The following PLXDC2 variants were observed in gnomAD, a reference collection of about 807,000 sequenced individuals.
The protein encoded by PLXDC2 is plexin domain-containing protein 2.
PLXDC2 carries 40 observed loss-of-function variants against 68.9 expected under a neutral mutation model. That is an observed-to-expected ratio of 0.58 (90% CI 0.45 to 0.76). The LOEUF is 0.76. PLXDC2 is among the 30% of genes least tolerant of loss of function. The pLI is 0.00. For missense variants in PLXDC2, 644 were observed against 661.9 expected (o/e 0.97, Z 0.30); for synonymous variants, 243 against 234.2 (o/e 1.04, Z -0.34).
chr10:19,880,507 G>A (rs1837708261), intron 1 of PLXDC2, among the ~76,000 whole-genome samples: 1 of 152,136 alleles, frequency 6.6e-6, no homozygotes. Context: ...TCTCTCTCAA[G>A]ATATTTTATT....
chr10:19,972,081 A>G (rs1834363961), intron 1 of PLXDC2, among the ~76,000 whole-genome samples: 1 of 152,114 alleles, frequency 6.6e-6, no homozygotes, highest in Non-Finnish European at 1.5e-5. Context: ...GAGTTGAGAT[A>G]TCATTTGAAA....
chr10:19,895,791 G>A (rs1046383277), intron 1 of PLXDC2, among the ~76,000 whole-genome samples: 6 of 152,066 alleles, frequency 3.9e-5, no homozygotes, highest in Admixed American at 2.0e-4. Context: ...ATGGTGGCTC[G>A]TGCCTGTAAT....
At chr10:20,017,980 C>G (rs72791836) in intron 2 of PLXDC2, among the ~76,000 whole-genome samples, 2,432 of 152,332 alleles carry the variant, frequency 0.016, 27 homozygotes, top group Middle Eastern at 0.075. Flanking sequence ...AGCCATTACC[C>G]AGCTGTGGAG....
At chr10:20,048,032 G>C (rs1835827559) in intron 3 of PLXDC2, among the ~76,000 whole-genome samples, 1 of 152,080 alleles carries the variant, frequency 6.6e-6, no homozygotes, top group African/African-American at 2.4e-5. Flanking sequence ...GAAGCCATGA[G>C]ATGTTCAGTT....
chr10:20,239,998 G>A (rs1414124860), intron 12 of PLXDC2, among the ~76,000 whole-genome samples: 1 of 152,120 alleles, frequency 6.6e-6, no homozygotes, highest in Non-Finnish European at 1.5e-5. Context: ...ATTATCATGG[G>A]AGTTTATTGT....
At chr10:20,131,499 G>A (rs533720721) in intron 4 of PLXDC2, among the ~76,000 whole-genome samples, 62 of 151,948 alleles carry the variant, frequency 4.1e-4, no homozygotes, top group East Asian at 3.9e-3. Flanking sequence ...TCCTGAGTTC[G>A]AGCAATTCTC....
intron 9 of PLXDC2, among the ~76,000 whole-genome samples, chr10:20,197,012 C>T (rs1834848970): frequency 6.6e-6 from 1 of 151,938 alleles, no homozygotes; most frequent in Non-Finnish European, 1.5e-5. Context: ...TAATACGATG[C>T]AATGTGCTCC....
At chr10:20,207,144 CACTT>C (rs1387852536) in intron 9 of PLXDC2, among the ~76,000 whole-genome samples, 1 of 152,104 alleles carries the variant, frequency 6.6e-6, no homozygotes, top group Non-Finnish European at 1.5e-5. Context: ...AACCAAATCT[CACTT>C]GTTTTGCCAT....
chr10:20,120,508 T>C (rs1034463059), intron 4 of PLXDC2, among the ~76,000 whole-genome samples: 7 of 152,272 alleles, frequency 4.6e-5, no homozygotes, highest in Admixed American at 6.5e-5. Context: ...TATCAGACTG[T>C]ATAGAGTTGG....
chr10:19,977,522 G>A (rs1003624872), intron 1 of PLXDC2, among the ~76,000 whole-genome samples: 1 of 152,172 alleles, frequency 6.6e-6, no homozygotes, highest in Admixed American at 6.5e-5. Flanking sequence ...CTGATTATAA[G>A]GGCAGTGTGG....
At chr10:19,932,523 T>C (rs59579174) in intron 1 of PLXDC2, among the ~76,000 whole-genome samples, 4,516 of 152,326 alleles carry the variant, frequency 0.03, 227 homozygotes, top group African/African-American at 0.1. Context: ...TCACACACTA[T>C]ACAGCGTTTT....
intron 1 of PLXDC2, among the ~76,000 whole-genome samples, chr10:19,876,956 A>G (rs1322036558): frequency 2.0e-5 from 3 of 152,208 alleles, no homozygotes; most frequent in African/African-American, 4.8e-5. Flanking sequence ...CTGGTAATTA[A>G]TATTAGCCAT....
At chr10:20,101,137 G>A (rs1053983071) in intron 4 of PLXDC2, among the ~76,000 whole-genome samples, 1 of 152,180 alleles carries the variant, frequency 6.6e-6, no homozygotes, top group Non-Finnish European at 1.5e-5. Flanking sequence ...ATCTGGTTTA[G>A]GGGTACAGTG....
rs971316250 is a variant in PLXDC2, at chr10:20,069,522, G to A, written c.541+1283G>A. ...AACATTTAAAAAATTAACCATGGTG[G>A]GGTGCTCCTGTAGTCCCAGCTACTC... On this transcript the variant is annotated intron_variant, in intron 4 of 13. Transcript: ENST00000377252. Among the ~76,000 whole-genome samples, 4 of 152,254 alleles carry A rather than the reference G, an allele frequency of 2.6e-5. No individual in the cohort carries two copies. The South Asian group carries it at 8.3e-4, about 32-fold the overall frequency.
rs117154412 is a variant in PLXDC2, at chr10:20,109,366, C to A, written c.542-33929C>A. On this transcript the variant is annotated intron_variant, in intron 4 of 13. Transcript: ENST00000377252. ...GTCTGCCATGGGAATTGTGGCCATG[C>A]ATTGGCTTTAAATGTTTCCATACAA... 3.5e-3 allele frequency among the ~76,000 whole-genome samples: 537 copies of A among 152,258 alleles called. 3 individuals carry two copies. The highest frequency in any genetic ancestry group is 6.3e-3 in the Non-Finnish European group (426 of 68,006).
chr10:20,007,883 C>T (rs1835051712), intron 2 of PLXDC2, among the ~76,000 whole-genome samples: 1 of 152,158 alleles, frequency 6.6e-6, no homozygotes, highest in African/African-American at 2.4e-5. Flanking sequence ...AATTCTCATT[C>T]TGGTACCTAA....
chr10:19,992,774 CAG>C (rs1339218510), intron 1 of PLXDC2, among the ~76,000 whole-genome samples: 3 of 152,168 alleles, frequency 2.0e-5, no homozygotes, highest in Admixed American at 6.5e-5. Flanking sequence ...CTTCTATTAA[CAG>C]AGTCACCATG....
chr10:20,213,887 C>T (rs1235093595), intron 10 of PLXDC2, among the ~76,000 whole-genome samples: 1 of 152,038 alleles, frequency 6.6e-6, no homozygotes, highest in Admixed American at 6.6e-5. Context: ...TCTTTGAAAG[C>T]TTGCCATTTT....
Position 20,046,921 on chromosome 10 carries a change from C to G in PLXDC2, c.377C>G (p.Ser126Cys). 1 of 1,612,600 alleles carries G rather than the reference C, an allele frequency of 6.2e-7. No homozygotes were observed. The highest frequency in any genetic ancestry group is 8.5e-7 in the Non-Finnish European group (1 of 1,179,196). The stretch of plus-strand genomic sequence containing the variant: ...TCTCGAATATATGGTCCATCTGATT[C>G]TGCCAGCCGGGATTTATGGGTGAAC... ...YISRIYGPSDSASRDLWVNID... is the reference protein window; with the variant it reads ...YISRIYGPSDCASRDLWVNID... The change falls in exon 3 of 14, where the codon TCT (serine) becomes TGT (cysteine). Residue 126 changes from serine (S) to cysteine (C), a missense_variant. This residue lies in a region of PLXDC2 where 201 missense variants were observed against 166.9 expected (regional missense o/e 1.20). Transcript: ENST00000377252.
Sources: allele counts gnomAD v4.1 joint callset (sites outside exome capture counted in the v4.1 genomes callset), GRCh38; gene constraint gnomAD v4.1.1; regional missense constraint gnomAD v4.1.1; transcripts MANE v1.5; gene names NCBI Gene and HGNC (gene_info 2026-07-23, HGNC 2026-07-21).